Variants in TBL1X observed in about 807,000 individuals in gnomAD.
The protein encoded by TBL1X is F-box-like/WD repeat-containing protein TBL1X.
Under a neutral mutation model 50.7 loss-of-function variants are expected in TBL1X, and 10 were observed. That is an observed-to-expected ratio of 0.20 (90% confidence interval 0.12 to 0.33). The LOEUF (loss-of-function observed/expected upper bound fraction) is 0.33. TBL1X is among the 10% of genes least tolerant of loss of function. The pLI, the probability that TBL1X is intolerant of heterozygous loss-of-function variation, is 1.00. For synonymous variants in TBL1X, 190 were observed against 214.7 expected, an observed-to-expected ratio of 0.88 and a Z score of 1.01; for missense variants, 340 against 504.4, an observed-to-expected ratio of 0.67 and a Z score of 3.12.
chrX:9,558,977 CGTT>C (rs1243489361), intron 2 of TBL1X, among the ~76,000 whole-genome samples: 2 of 112,105 alleles, frequency 1.8e-5, no homozygotes, highest in East Asian at 2.8e-4. Flanking sequence ...CTGAGGATAG[CGTT>C]GTATGTAGTC....
chrX:9,499,041 T>A lies in TBL1X; in HGVS notation c.-200-2739T>A, dbSNP rs2081986927. The stretch of plus-strand genomic sequence containing the variant: ...TTCAGAGAGCAGTGCAGTGGCTTTG[T>A]TGAGGAGCAGCCCCTGTGGAGGCGC... On this transcript the variant is annotated intron_variant, in intron 1 of 17. Coordinates refer to ENST00000645353, the MANE Select transcript of TBL1X (RefSeq NM_005647.4). Among the ~76,000 whole-genome samples the A allele has an allele frequency of 4.5e-5, 5 of 111,762 alleles. No individual in the cohort carries two copies. The Admixed American group carries it at 4.7e-4, about 11-fold the overall frequency.
intron 2 of TBL1X, among the ~76,000 whole-genome samples, chrX:9,614,513 A>G (rs1260974707): frequency 9.0e-6 from 1 of 111,436 alleles, no homozygotes; most frequent in Non-Finnish European, 1.9e-5. Flanking sequence ...GCGAGCCAGG[A>G]TCATGCCACT....
intron 2 of TBL1X, among the ~76,000 whole-genome samples, chrX:9,600,472 G>A (rs978526908): frequency 3.7e-5 from 3 of 81,950 alleles, no homozygotes; most frequent in Non-Finnish European, 6.9e-5. Context: ...TGGTGGGCGG[G>A]GGGGGGGGTA....
intron 3 of TBL1X, among the ~76,000 whole-genome samples, chrX:9,652,879 A>G (rs1218118830): frequency 1.8e-5 from 2 of 110,763 alleles, no homozygotes; most frequent in African/African-American, 6.6e-5. Context: ...AAGAAAGAAA[A>G]AAAGAGGCCA....
At chrX:9,464,515 T>G (rs1199038811), upstream of TBL1X, among the ~76,000 whole-genome samples, 1 of 110,600 alleles carries the variant, frequency 9.0e-6, no homozygotes, top group East Asian at 2.9e-4. Flanking sequence ...AGATTCACCA[T>G]CGGGCAGGTG....
intron 2 of TBL1X, among the ~76,000 whole-genome samples, chrX:9,594,928 CT>C (rs2082520100): frequency 8.9e-6 from 1 of 111,969 alleles, no homozygotes; most frequent in African/African-American, 3.3e-5. Flanking sequence ...CCGGATACCC[CT>C]ATTTGCATTT....
intron 1 of TBL1X, among the ~76,000 whole-genome samples, chrX:9,476,574 G>T (rs1428629602): frequency 1.8e-5 from 2 of 112,303 alleles, no homozygotes; most frequent in African/African-American, 6.5e-5. Context: ...CACACTTCCT[G>T]TGCTTTCAAG....
At chrX:9,665,539 A>ATATG (rs3043954) in intron 5 of TBL1X, among the ~76,000 whole-genome samples, 1 of 62,919 alleles carries the variant, frequency 1.6e-5, no homozygotes, top group Non-Finnish European at 2.8e-5. Flanking sequence ...ATATATATAT[A>ATATG]AAAGGCCTTG....
At chrX:9,677,468 T>G (rs1229746783) in intron 5 of TBL1X, among the ~76,000 whole-genome samples, 1 of 109,998 alleles carries the variant, frequency 9.1e-6, no homozygotes, top group Non-Finnish European at 1.9e-5. Context: ...TTACCTCTCA[T>G]AAGGTGGCTT....
chrX:9,471,818 G>A (rs1003042205), intron 1 of TBL1X, among the ~76,000 whole-genome samples: 10 of 111,279 alleles, frequency 9.0e-5, no homozygotes, highest in Non-Finnish European at 1.3e-4. Context: ...GGATGTAGCC[G>A]GAATGCTTTA....
chrX:9,616,572 A>G (rs2082640550), intron 2 of TBL1X, among the ~76,000 whole-genome samples: 1 of 111,941 alleles, frequency 8.9e-6, no homozygotes, highest in Non-Finnish European at 1.9e-5. Context: ...AATGGAGTGA[A>G]TAGTGGTTTA....
intron 5 of TBL1X, among the ~76,000 whole-genome samples, chrX:9,659,618 G>T (rs1166137918): frequency 2.7e-5 from 3 of 111,994 alleles, no homozygotes; most frequent in Non-Finnish European, 3.8e-5. Context: ...ATTTCTCTTG[G>T]GTAAATATCT....
intron 2 of TBL1X, among the ~76,000 whole-genome samples, chrX:9,562,324 A>G (rs995599709): frequency 8.9e-5 from 10 of 112,406 alleles, no homozygotes; most frequent in Non-Finnish European, 1.3e-4. Context: ...ATGCCACTAA[A>G]TAAAATTTAA....
intron 2 of TBL1X, among the ~76,000 whole-genome samples, chrX:9,558,787 G>A (rs1302710741): frequency 9.0e-6 from 1 of 111,423 alleles, no homozygotes; most frequent in Non-Finnish European, 1.9e-5. Flanking sequence ...GCCCAGCTGG[G>A]ACTCTGAGAG....
intron 2 of TBL1X, among the ~76,000 whole-genome samples, chrX:9,504,971 G>T (rs1292394955): frequency 9.0e-6 from 1 of 111,359 alleles, no homozygotes; most frequent in African/African-American, 3.3e-5. Flanking sequence ...ACACCATTAA[G>T]ATACTCTATG....
rs774773721 is a variant in TBL1X, at chrX:9,617,815, T to A, written c.-130-22458T>A. On this transcript the variant is annotated intron_variant, in intron 2 of 17. Coordinates refer to ENST00000645353, the MANE Select transcript of TBL1X (RefSeq NM_005647.4). ...AGAGAGGAGCCAGAAAGATTACACTTGTGTAGAAAGTGAAAACTGAGTTTG... is the reference window on the plus strand; with the variant it reads ...AGAGAGGAGCCAGAAAGATTACACTAGTGTAGAAAGTGAAAACTGAGTTTG... 5.3e-5 allele frequency among the ~76,000 whole-genome samples: 6 copies of A among 112,161 alleles called. No homozygotes were observed. In the South Asian group the frequency reaches 1.1e-3, roughly 21 times the overall value.
chrX:9,509,060 C>G (rs892703867), intron 2 of TBL1X, among the ~76,000 whole-genome samples: 1 of 98,665 alleles, frequency 1.0e-5, no homozygotes, highest in African/African-American at 3.7e-5. Context: ...GCACGTTCTG[C>G]GCATGTATCC....
chrX:9,693,298 C>T, intron 10 of TBL1X, 24 bp from the exon 11 acceptor site: 3 of 1,209,791 alleles, frequency 2.5e-6, no homozygotes, highest in Admixed American at 4.3e-5. Flanking sequence ...ACATTGAGGT[C>T]AACATGTTTG....
chrX:9,575,255 C>T (rs2082405329), intron 2 of TBL1X, among the ~76,000 whole-genome samples: 1 of 111,085 alleles, frequency 9.0e-6, no homozygotes, highest in African/African-American at 3.3e-5. Context: ...CCCCCATGAC[C>T]CAATCACCTC....
Sources: gnomAD v4.1 joint callset for allele counts (sites outside exome capture counted in the v4.1 genomes callset) on GRCh38, gnomAD v4.1.1 for gene constraint, MANE v1.5 for transcripts, NCBI Gene and HGNC (gene_info 2026-07-23, HGNC 2026-07-21) for gene names.